The following ADAMTS6 variants were observed in gnomAD, a reference collection of about 807,000 sequenced individuals.
The protein encoded by ADAMTS6 is ADAM metallopeptidase with thrombospondin type 1 motif 6, also known as A disintegrin and metalloproteinase with thrombospondin motifs 6.
A neutral mutation model predicts 144.3 loss-of-function variants in ADAMTS6; 23 were observed. That is an observed-to-expected ratio of 0.16 (90% CI 0.11 to 0.23). The LOEUF (loss-of-function observed/expected upper bound fraction) is 0.23. Ranked by LOEUF, ADAMTS6 falls within the 10% of genes least tolerant of loss-of-function variation. The probability of loss-of-function intolerance (pLI) is 1.00; values close to 1 mark genes in which losing one functional copy is unlikely to be tolerated. For missense variants in ADAMTS6, 999 were observed against 1,379.6 expected (o/e 0.72, Z 4.37); for synonymous variants, 444 against 457.5 (o/e 0.97, Z 0.38).
At chr5:65,470,449 T>C (rs563554667) in intron 3 of ADAMTS6, among the ~76,000 whole-genome samples, 95 of 152,260 alleles carry the variant, frequency 6.2e-4, no homozygotes, top group Middle Eastern at 3.4e-3. Context: ...AAACATACCC[T>C]AAAATTCTTC....
intron 7 of ADAMTS6, among the ~76,000 whole-genome samples, chr5:65,351,867 C>T (rs1748882358): frequency 6.6e-6 from 1 of 151,998 alleles, no homozygotes; most frequent in Non-Finnish European, 1.5e-5. Flanking sequence ...TTAAACTGAC[C>T]TAATTCCCAC....
At chr5:65,320,168 A>T (rs1436320962) in intron 9 of ADAMTS6, among the ~76,000 whole-genome samples, 2 of 152,198 alleles carry the variant, frequency 1.3e-5, no homozygotes, top group African/African-American at 2.4e-5. Flanking sequence ...TTAAAAACAG[A>T]ACAATAAAAT....
At position 65,197,066 on chromosome 5, in the gene ADAMTS6, T is replaced by C. The variant is rs750707689; in HGVS notation, c.2661A>G (p.Pro887=). 6.2e-7 allele frequency: 1 copy of C among 1,614,008 alleles called. No homozygotes were observed. Among genetic ancestry groups the C allele is most frequent in the Non-Finnish European group, 8.5e-7 (1 of 1,179,910 alleles). The change falls in exon 21 of 25, where the codon CCA becomes CCG. Residue 887 remains proline (P), a synonymous_variant. Coordinates refer to ENST00000381055, the MANE Select transcript of ADAMTS6 (RefSeq NM_197941.4). Reference sequence around the variant, plus strand: ...TGTTGCAGGCTCTTTGATTTTCAGGTGGCTTACTGTCAGGATCACAGTAAT... The same window carrying C: ...TGTTGCAGGCTCTTTGATTTTCAGGCGGCTTACTGTCAGGATCACAGTAAT... ...QNNYCDPDSK[P]PENQRACNTE...
chr5:65,441,000 A>G (rs1036888886), intron 7 of ADAMTS6, among the ~76,000 whole-genome samples: 3 of 152,252 alleles, frequency 2.0e-5, no homozygotes, highest in Non-Finnish European at 4.4e-5. Flanking sequence ...ATCACGAAGT[A>G]TGCAAAGAAG....
chr5:65,445,499 G>A (rs1239037710), intron 7 of ADAMTS6, among the ~76,000 whole-genome samples: 8 of 152,012 alleles, frequency 5.3e-5, no homozygotes, highest in African/African-American at 1.2e-4. Flanking sequence ...CACCACGCCC[G>A]ACTAATGTTT....
At chr5:65,472,311 A>G (rs1183762643) in intron 2 of ADAMTS6, among the ~76,000 whole-genome samples, 2 of 152,194 alleles carry the variant, frequency 1.3e-5, no homozygotes, top group Non-Finnish European at 2.9e-5. Context: ...GTGACCACTA[A>G]GAAGTATAGG....
chr5:65,188,326 C>CA, intron 21 of ADAMTS6, 106 bp from the exon 22 acceptor site: 3 of 1,050,410 alleles, frequency 2.9e-6, no homozygotes, highest in Admixed American at 2.0e-5. Context: ...GCTGACATTT[C>CA]AATGTTGGTT....
chr5:65,441,829 G>A (rs1343959973), intron 7 of ADAMTS6, among the ~76,000 whole-genome samples: 2 of 136,916 alleles, frequency 1.5e-5, no homozygotes, highest in African/African-American at 6.4e-5. Context: ...GTAAGCCATG[G>A]GTCAAAAAAA....
chr5:65,401,012 G>C (rs1459071998), intron 7 of ADAMTS6, among the ~76,000 whole-genome samples: 1 of 152,120 alleles, frequency 6.6e-6, no homozygotes, highest in Non-Finnish European at 1.5e-5. Flanking sequence ...AATTCCATCT[G>C]ATAATTCCAC....
chr5:65,408,502 G>T (rs1261870373), intron 7 of ADAMTS6, among the ~76,000 whole-genome samples: 8 of 152,166 alleles, frequency 5.3e-5, no homozygotes, highest in African/African-American at 1.9e-4. Flanking sequence ...CATAAAGCAA[G>T]TCCTTAGAGC....
chr5:65,409,197 C>A (rs1035719826), intron 7 of ADAMTS6, among the ~76,000 whole-genome samples: 1 of 151,776 alleles, frequency 6.6e-6, no homozygotes, highest in Non-Finnish European at 1.5e-5. Flanking sequence ...TTCAAAAAAT[C>A]AATGAATTCA....
intron 9 of ADAMTS6, among the ~76,000 whole-genome samples, chr5:65,319,591 G>C (rs944822742): frequency 6.7e-6 from 1 of 148,390 alleles, no homozygotes; most frequent in African/African-American, 2.5e-5. Context: ...GTAGCACAAG[G>C]CTGCAGTGAG....
At chr5:65,465,950 AT>A (rs1759960136) in intron 3 of ADAMTS6, among the ~76,000 whole-genome samples, 1 of 152,154 alleles carries the variant, frequency 6.6e-6, no homozygotes, top group Non-Finnish European at 1.5e-5. Flanking sequence ...CTATATATTG[AT>A]GACTCCCAAA....
intron 12 of ADAMTS6, among the ~76,000 whole-genome samples, chr5:65,265,716 A>T (rs980619151): frequency 1.3e-5 from 2 of 152,010 alleles, no homozygotes; most frequent in Admixed American, 6.6e-5. Context: ...CATTTATTTT[A>T]TATAATCACA....
intron 7 of ADAMTS6, among the ~76,000 whole-genome samples, chr5:65,379,239 T>C (rs186146347): frequency 7.9e-5 from 12 of 152,336 alleles, no homozygotes; most frequent in Admixed American, 7.2e-4. Flanking sequence ...CTCTTCACTT[T>C]TGTAGAGTTT....
chr5:65,173,740 T>A (rs1753766058), intron 22 of ADAMTS6, among the ~76,000 whole-genome samples: 1 of 152,078 alleles, frequency 6.6e-6, no homozygotes, highest in South Asian at 2.1e-4. Context: ...AATATGTAAT[T>A]CAGGCCAGGC....
At chr5:65,277,544 AC>A (rs1399582757) in intron 11 of ADAMTS6, among the ~76,000 whole-genome samples, 2 of 149,892 alleles carry the variant, frequency 1.3e-5, no homozygotes, top group African/African-American at 2.4e-5. Flanking sequence ...GGTGTTAGCC[AC>A]CATACCAAGA....
chr5:65,352,939 C>T (rs1197864742), intron 7 of ADAMTS6, among the ~76,000 whole-genome samples: 1 of 151,984 alleles, frequency 6.6e-6, no homozygotes, highest in African/African-American at 2.4e-5. Flanking sequence ...ATATGAGACC[C>T]TCCAGCACTA....
intron 4 of ADAMTS6, among the ~76,000 whole-genome samples, chr5:65,453,307 G>C (rs991572368): frequency 1.3e-5 from 2 of 152,034 alleles, no homozygotes; most frequent in African/African-American, 4.8e-5. Context: ...GTCTAAGACA[G>C]CTCTGATAGC....
Sources: allele counts gnomAD v4.1 joint callset (sites outside exome capture counted in the v4.1 genomes callset), GRCh38; gene constraint gnomAD v4.1.1; transcripts MANE v1.5; gene names NCBI Gene and HGNC (gene_info 2026-07-23, HGNC 2026-07-21).